KIAA1217: variants seen among roughly 807,000 people sequenced by gnomAD.
KIAA1217 encodes KIAA1217.
In KIAA1217, 88 loss-of-function variants were observed where a neutral mutation model predicts 163.9. The observed-to-expected ratio is 0.54, with a 90% CI of 0.45 to 0.64. The LOEUF (loss-of-function observed/expected upper bound fraction) is 0.64, where lower values mean the gene tolerates loss of function less well. Ranked by LOEUF, KIAA1217 falls within the 30% of genes least tolerant of loss-of-function variation. The probability of loss-of-function intolerance (pLI) is 0.00; values close to 1 mark genes in which losing one functional copy is unlikely to be tolerated. For synonymous variants in KIAA1217, 903 were observed against 923.1 expected (o/e 0.98, Z 0.39); for missense variants, 2,372 against 2,475.0 (o/e 0.96, Z 0.88).
At chr10:23,872,885 A>G (rs1383395700) in intron 1 of KIAA1217, among the ~76,000 whole-genome samples, 1 of 152,092 alleles carries the variant, frequency 6.6e-6, no homozygotes, top group Non-Finnish European at 1.5e-5. Context: ...AGTATTCACC[A>G]TGAGAAGCAT....
intron 2 of KIAA1217, among the ~76,000 whole-genome samples, chr10:24,274,257 G>A (rs553811725): frequency 2.6e-4 from 39 of 152,234 alleles, no homozygotes; most frequent in African/African-American, 9.1e-4. Flanking sequence ...TATAATCCCA[G>A]CATTTTGGGA....
intron 1 of KIAA1217, among the ~76,000 whole-genome samples, chr10:23,800,345 G>C (rs1397511273): frequency 2.6e-5 from 4 of 152,070 alleles, no homozygotes; most frequent in Admixed American, 6.6e-5. Flanking sequence ...GCAAACATGG[G>C]TGACAAAATA....
At chr10:23,852,418 C>T (rs542744813) in intron 1 of KIAA1217, among the ~76,000 whole-genome samples, 1 of 152,100 alleles carries the variant, frequency 6.6e-6, no homozygotes, top group South Asian at 2.1e-4. Flanking sequence ...GTTACTGTAG[C>T]CTTGTAGTAT....
intron 2 of KIAA1217, among the ~76,000 whole-genome samples, chr10:24,229,843 G>A (rs1000438984): frequency 3.3e-5 from 5 of 152,032 alleles, no homozygotes; most frequent in African/African-American, 1.2e-4. Flanking sequence ...CTTTTGGGAG[G>A]AAAGGACATA....
intron 1 of KIAA1217, among the ~76,000 whole-genome samples, chr10:23,871,730 T>G (rs923087534): frequency 6.6e-6 from 1 of 152,134 alleles, no homozygotes; most frequent in Non-Finnish European, 1.5e-5. Flanking sequence ...CCTTCAGTAC[T>G]GACGTCTTTT....
At chr10:24,264,772 TC>T in intron 2 of KIAA1217, among the ~76,000 whole-genome samples, 1 of 108,362 alleles carries the variant, frequency 9.2e-6, no homozygotes, top group African/African-American at 4.6e-5. Context: ...TCTTTCTCTC[TC>T]TCTCTCTCTC....
intron 2 of KIAA1217, among the ~76,000 whole-genome samples, chr10:24,045,476 T>G (rs1356445572): frequency 5.3e-5 from 8 of 152,014 alleles, no homozygotes; most frequent in African/African-American, 1.9e-4. Flanking sequence ...CTCCTAGGAG[T>G]TGGCTCTTGA....
chr10:23,878,887 G>A (rs773701142), intron 1 of KIAA1217, among the ~76,000 whole-genome samples: 9 of 151,858 alleles, frequency 5.9e-5, no homozygotes, highest in African/African-American at 9.7e-5. Context: ...GGTTGACTCC[G>A]AAGTTTTTGG....
At chr10:24,047,119 CT>C (rs1371078654) in intron 2 of KIAA1217, among the ~76,000 whole-genome samples, 1 of 152,172 alleles carries the variant, frequency 6.6e-6, no homozygotes, top group Non-Finnish European at 1.5e-5. Context: ...TGTAAATGCT[CT>C]TCTAATATTG....
At chr10:23,991,010 TA>T (rs1197240142) in intron 1 of KIAA1217, among the ~76,000 whole-genome samples, 2 of 152,134 alleles carry the variant, frequency 1.3e-5, no homozygotes, top group Non-Finnish European at 2.9e-5. Flanking sequence ...CCTTTGAAAA[TA>T]AAGAGTTACA....
chr10:24,217,919 T>A (rs1372983442), intron 1 of KIAA1217, among the ~76,000 whole-genome samples: 1 of 152,238 alleles, frequency 6.6e-6, no homozygotes, highest in East Asian at 1.9e-4. Context: ...GTCGTCTTCA[T>A]TTTATTCATG....
rs60728682 is a variant in KIAA1217, at chr10:24,394,454, G to GT, written c.553+13396dup. On this transcript the variant is annotated intron_variant, in intron 3 of 20. Coordinates refer to ENST00000376454, the MANE Select transcript of KIAA1217 (RefSeq NM_019590.5). ...TTTGCCCACTCTCGGGTTTTGTTTT[G>GT]TTTTTTTTTAATCTCCATTCATGTG... Among the ~76,000 whole-genome samples, 503 of 150,562 alleles carry GT rather than the reference G, an allele frequency of 3.3e-3. 20 individuals carry two copies. The East Asian group carries it at 0.08, about 24-fold the overall frequency.
At chr10:23,716,305 T>A (rs1300747346) in intron 1 of KIAA1217, among the ~76,000 whole-genome samples, 1 of 152,166 alleles carries the variant, frequency 6.6e-6, no homozygotes, top group East Asian at 1.9e-4. Flanking sequence ...TTAATTTGGA[T>A]CATTGAATTT....
intron 2 of KIAA1217, among the ~76,000 whole-genome samples, chr10:24,086,504 T>C (rs1261758096): frequency 6.6e-6 from 1 of 152,220 alleles, no homozygotes; most frequent in Non-Finnish European, 1.5e-5. Context: ...GATTTTGTTG[T>C]TGTTGTTACT....
rs149848220 is a variant in KIAA1217, at chr10:24,408,470, C to T, written c.554-24525C>T. ...CCACAGGGCAACCCAAGTAGTTGTT[C>T]CAACTCCTGAGTCACATCACACCTT... On this transcript the variant is annotated intron_variant, in intron 3 of 20. Transcript: ENST00000376454. Among the ~76,000 whole-genome samples, 8 of 152,280 alleles carry T rather than the reference C, an allele frequency of 5.3e-5. No homozygotes were observed. In the East Asian group the frequency reaches 1.5e-3, roughly 29 times the overall value.
intron 2 of KIAA1217, among the ~76,000 whole-genome samples, chr10:24,034,062 A>G (rs1317613487): frequency 1.3e-5 from 2 of 152,256 alleles, no homozygotes; most frequent in East Asian, 1.9e-4. Context: ...CATTAAAATT[A>G]TTACCTTTAA....
chr10:24,338,951 C>G (rs1195417348), intron 2 of KIAA1217, among the ~76,000 whole-genome samples: 1 of 152,210 alleles, frequency 6.6e-6, no homozygotes, highest in Middle Eastern at 3.4e-3. Flanking sequence ...AGGAAAATTT[C>G]GAGTCAAAGT....
chr10:24,360,167 T>C (rs1007693872), intron 2 of KIAA1217, among the ~76,000 whole-genome samples: 7 of 149,740 alleles, frequency 4.7e-5, no homozygotes, highest in African/African-American at 1.5e-4. Context: ...GTGCCTCAGC[T>C]TCCCGAGTAG....
At chr10:24,130,108 T>C (rs2063599179) in intron 2 of KIAA1217, among the ~76,000 whole-genome samples, 1 of 152,200 alleles carries the variant, frequency 6.6e-6, no homozygotes, top group South Asian at 2.1e-4. Flanking sequence ...CCTCCTTCAG[T>C]GTACAAGTTA....
Sources: gnomAD v4.1 joint callset for allele counts (sites outside exome capture counted in the v4.1 genomes callset) on GRCh38, gnomAD v4.1.1 for gene constraint, MANE v1.5 for transcripts, NCBI Gene and HGNC (gene_info 2026-07-23, HGNC 2026-07-21) for gene names.